The following KCNMA1 variants were observed in gnomAD, a reference collection of about 807,000 sequenced individuals.
KCNMA1 encodes potassium calcium-activated channel subfamily M alpha 1.
In KCNMA1, 29 loss-of-function variants were observed where a neutral mutation model predicts 140.0. The observed-to-expected ratio is 0.21, with a 90% CI of 0.15 to 0.28. The LOEUF (loss-of-function observed/expected upper bound fraction) is 0.28. Ranked by LOEUF, KCNMA1 falls within the 10% of genes least tolerant of loss-of-function variation. KCNMA1 has a pLI of 1.00. For synonymous variants in KCNMA1, 612 were observed against 611.9 expected, an observed-to-expected ratio of 1.00 and a Z score of 0.00; for missense variants, 880 against 1,602.2, an observed-to-expected ratio of 0.55 and a Z score of 7.70.
chr10:76,925,547 T>TC (rs1168193483), intron 23 of KCNMA1, among the ~76,000 whole-genome samples: 1 of 152,190 alleles, frequency 6.6e-6, no homozygotes, highest in African/African-American at 2.4e-5. Context: ...TCAATTTTTT[T>TC]CTCCCCTTTT....
intron 16 of KCNMA1, among the ~76,000 whole-genome samples, chr10:77,023,187 C>T (rs895981705): frequency 2.0e-4 from 31 of 152,296 alleles, no homozygotes; most frequent in Admixed American, 1.9e-3. Flanking sequence ...TAATGCATTC[C>T]TTTCTCCACC....
intron 1 of KCNMA1, among the ~76,000 whole-genome samples, chr10:77,544,150 C>CTGTGTGTGTGTGTG (rs35370605): frequency 4.9e-5 from 7 of 142,458 alleles, no homozygotes; most frequent in African/African-American, 1.3e-4. Context: ...ATCTTTCCAG[C>CTGTGTGTGTGTGTG]TGTGTGTGTG....
intron 2 of KCNMA1, among the ~76,000 whole-genome samples, chr10:77,280,658 CTGGGACTACAGACAGGCATCACCA>C (rs1365376427): frequency 1.3e-5 from 2 of 151,352 alleles, no homozygotes; most frequent in Non-Finnish European, 2.9e-5. Context: ...TCCTGAGTAG[CTGGGACTACAGACAGGCATCACCA>C]TGCCTGGCTT....
At chr10:77,253,870 C>T (rs2060155462) in intron 2 of KCNMA1, among the ~76,000 whole-genome samples, 1 of 152,144 alleles carries the variant, frequency 6.6e-6, no homozygotes, top group Non-Finnish European at 1.5e-5. Flanking sequence ...GCCTCTTTAT[C>T]GTGTCAGGCT....
intron 5 of KCNMA1, among the ~76,000 whole-genome samples, chr10:77,138,098 C>A (rs964917997): frequency 1.3e-5 from 2 of 152,168 alleles, no homozygotes; most frequent in African/African-American, 4.8e-5. Flanking sequence ...CACACATGCA[C>A]AGAGTCACTG....
At chr10:77,228,885 C>A (rs998440135) in intron 3 of KCNMA1, among the ~76,000 whole-genome samples, 2 of 152,200 alleles carry the variant, frequency 1.3e-5, no homozygotes, top group African/African-American at 4.8e-5. Flanking sequence ...GCACTCACTA[C>A]GTGAAAACCT....
At chr10:77,447,337 A>G (rs2097547743) in intron 1 of KCNMA1, among the ~76,000 whole-genome samples, 1 of 152,134 alleles carries the variant, frequency 6.6e-6, no homozygotes, top group African/African-American at 2.4e-5. Flanking sequence ...TCAGAGGTGG[A>G]TTCCTAATAA....
At chr10:77,076,259 G>C (rs939373872) in intron 13 of KCNMA1, among the ~76,000 whole-genome samples, 7 of 152,144 alleles carry the variant, frequency 4.6e-5, no homozygotes, top group Non-Finnish European at 1.5e-5. Context: ...TCTTTCACTA[G>C]AGTCTTTGGG....
intron 22 of KCNMA1, among the ~76,000 whole-genome samples, chr10:76,947,136 A>T (rs2064261284): frequency 6.6e-6 from 1 of 151,904 alleles, no homozygotes; most frequent in Non-Finnish European, 1.5e-5. Context: ...GGAGTTTGCA[A>T]CCATCCTGGC....
chr10:77,064,252 A>G, intron 14 of KCNMA1: 1 of 280,846 alleles, frequency 3.6e-6, no homozygotes, highest in Non-Finnish European at 5.4e-6. Flanking sequence ...ATTTTGCTGC[A>G]AAGTAAAGAA....
At position 77,259,504 on chromosome 10, in the gene KCNMA1, A is replaced by G. The variant is rs570218810; in HGVS notation, c.541-8248T>C. ...ATAACTTTTGGTATGAAGAAAAAAAAAATCCTTGACAGAGTCCACAAGGCC... is the reference window on the plus strand; with the variant it reads ...ATAACTTTTGGTATGAAGAAAAAAAGAATCCTTGACAGAGTCCACAAGGCC... On this transcript the variant is annotated intron_variant, in intron 2 of 27. Coordinates refer to ENST00000286628, the MANE Select transcript of KCNMA1 (RefSeq NM_001161352.2). 4.6e-5 allele frequency among the ~76,000 whole-genome samples: 7 copies of G among 152,260 alleles called. No individual in the cohort carries two copies. The East Asian group carries it at 1.4e-3, about 29-fold the overall frequency.
At chr10:77,520,054 G>A (rs200777511) in intron 1 of KCNMA1, among the ~76,000 whole-genome samples, 63 of 57,770 alleles carry the variant, frequency 1.1e-3, no homozygotes, top group South Asian at 1.3e-3. Flanking sequence ...GTGTGAGGGT[G>A]TGCAGTGTGA....
At chr10:77,272,355 C>T (rs1409435661) in intron 2 of KCNMA1, among the ~76,000 whole-genome samples, 2 of 152,118 alleles carry the variant, frequency 1.3e-5, no homozygotes, top group African/African-American at 4.8e-5. Flanking sequence ...GCTTGATATT[C>T]CAAAGCACTT....
chr10:77,038,983 C>A, intron 15 of KCNMA1: 1 of 177,698 alleles, frequency 5.6e-6, no homozygotes, highest in Middle Eastern at 2.7e-3. Context: ...GAAGCTAAGA[C>A]TTGTTATTAT....
At chr10:77,005,022 TTTTC>T (rs796785660) in intron 18 of KCNMA1, among the ~76,000 whole-genome samples, 26 of 152,194 alleles carry the variant, frequency 1.7e-4, no homozygotes, top group African/African-American at 6.0e-4. Context: ...TGTTTGCTAA[TTTTC>T]TTTCTTACGT....
intron 19 of KCNMA1, among the ~76,000 whole-genome samples, chr10:76,983,485 C>T (rs1464057136): frequency 6.6e-6 from 1 of 152,122 alleles, no homozygotes; most frequent in Non-Finnish European, 1.5e-5. Flanking sequence ...GTAATCCCAG[C>T]ACTTTGGGAG....
chr10:77,235,302 G>T (rs991633999), intron 3 of KCNMA1, among the ~76,000 whole-genome samples: 5 of 152,172 alleles, frequency 3.3e-5, no homozygotes, highest in African/African-American at 2.4e-5. Context: ...ACATGCTTTT[G>T]ATCCCCAGCT....
chr10:77,527,395 G>A (rs116995868), intron 1 of KCNMA1, among the ~76,000 whole-genome samples: 2,177 of 152,340 alleles, frequency 0.014, 30 homozygotes, highest in Non-Finnish European at 0.023. Flanking sequence ...ATCATCTGTG[G>A]GGGCTGCTTA....
chr10:77,136,632 C>A (rs2098039146), intron 5 of KCNMA1, among the ~76,000 whole-genome samples: 1 of 149,844 alleles, frequency 6.7e-6, no homozygotes. Context: ...GTGCATGGTC[C>A]CTATGATAAA....
Sources: gnomAD v4.1 joint callset for allele counts (sites outside exome capture counted in the v4.1 genomes callset) on GRCh38, gnomAD v4.1.1 for gene constraint, MANE v1.5 for transcripts, NCBI Gene and HGNC (gene_info 2026-07-23, HGNC 2026-07-21) for gene names.